MRS2: variants seen among roughly 807,000 people sequenced by gnomAD.
The protein encoded by MRS2 is magnesium transporter MRS2.
Under a neutral mutation model 52.6 loss-of-function variants are expected in MRS2, and 40 were observed. That is an observed-to-expected ratio of 0.76 (90% CI 0.59 to 0.99). The LOEUF is 0.99. Ranked by LOEUF, MRS2 falls within the 50% of genes least tolerant of loss-of-function variation. MRS2 has a pLI of 0.00. For missense variants in MRS2, 472 were observed against 532.7 expected (o/e 0.89, Z 1.12); for synonymous variants, 193 against 195.9 (o/e 0.98, Z 0.13).
At chr6:24,406,933 C>T (rs1761495008) in intron 2 of MRS2, among the ~76,000 whole-genome samples, 1 of 151,706 alleles carries the variant, frequency 6.6e-6, no homozygotes, top group Non-Finnish European at 1.5e-5. Context: ...GAGCTGGTTA[C>T]AAAGTAAATA....
At chr6:24,415,688 C>T (rs1761824616) in intron 6 of MRS2, among the ~76,000 whole-genome samples, 1 of 152,192 alleles carries the variant, frequency 6.6e-6, no homozygotes, top group Non-Finnish European at 1.5e-5. Context: ...AGTAACTAGT[C>T]TGTTCTATAT....
At chr6:24,406,673 G>A (rs1242971591) in intron 2 of MRS2, among the ~76,000 whole-genome samples, 1 of 152,192 alleles carries the variant, frequency 6.6e-6, no homozygotes, top group Non-Finnish European at 1.5e-5. Context: ...TACTCAGGAG[G>A]CTGAGGCAGG....
chr6:24,403,256 A>C lies in MRS2; in HGVS notation c.190+20A>C, dbSNP rs1348864508. On this transcript the variant is annotated intron_variant, in intron 1 of 10. Coordinates refer to ENST00000378386, the MANE Select transcript of MRS2 (RefSeq NM_020662.4). ...TGGCAGGTACTGCCCTTCCCCGGCA[A>C]CAGCCTTGGGACGCTGGTCTTGCAG... is the stretch of plus-strand genomic sequence containing the variant. The C allele has an allele frequency of 1.3e-6, 2 of 1,579,786 alleles. No homozygotes were observed. The highest frequency in any genetic ancestry group is 1.7e-6 in the Non-Finnish European group (2 of 1,171,562).
intron 9 of MRS2, among the ~76,000 whole-genome samples, chr6:24,422,488 CAAA>C (rs1260919342): frequency 6.6e-6 from 1 of 152,078 alleles, no homozygotes; most frequent in Non-Finnish European, 1.5e-5. Context: ...TATCGGAAGA[CAAA>C]AAATTTATTA....
At chr6:24,423,134 C>T (rs1762109227) in intron 10 of MRS2, 84 bp downstream of exon 10, 1 of 1,088,096 alleles carries the variant, frequency 9.2e-7, no homozygotes, top group Non-Finnish European at 1.4e-6. Flanking sequence ...ATTAAGTTGT[C>T]ACAGGCACTA....
intron 3 of MRS2, 25 bp from the exon 4 acceptor site, chr6:24,409,436 C>G (rs775312284): frequency 1.4e-6 from 2 of 1,408,190 alleles, no homozygotes; most frequent in Non-Finnish European, 2.0e-6. Flanking sequence ...TTTGGTTTAG[C>G]CCTCTCTGTT....
chr6:24,413,698 T>TAGAC (rs1321152331), intron 5 of MRS2, among the ~76,000 whole-genome samples: 5 of 151,774 alleles, frequency 3.3e-5, no homozygotes, highest in African/African-American at 4.8e-5. Context: ...ATAAACAACA[T>TAGAC]GTCTGCAGAG....
intron 1 of MRS2, among the ~76,000 whole-genome samples, chr6:24,403,660 C>T: frequency 6.6e-6 from 1 of 152,224 alleles, no homozygotes; most frequent in East Asian, 1.9e-4. Flanking sequence ...CTCGAGCCAT[C>T]CTAACGCATT....
chr6:24,419,233 C>CTCTG (rs1477864822), intron 9 of MRS2: 1 of 152,242 alleles, frequency 6.6e-6, no homozygotes, highest in African/African-American at 2.4e-5. Flanking sequence ...CAGAGTGAGA[C>CTCTG]TCTGTCTCAA....
At chr6:24,408,534 T>C in intron 3 of MRS2, 90 bp downstream of exon 3, 1 of 953,034 alleles carries the variant, frequency 1.0e-6, no homozygotes, top group Non-Finnish European at 1.7e-6. Flanking sequence ...GAGTAAAATA[T>C]TCTTTGCATA....
chr6:24,411,203 G>GA (rs962902099), intron 4 of MRS2, among the ~76,000 whole-genome samples: 21 of 143,880 alleles, frequency 1.5e-4, no homozygotes, highest in African/African-American at 2.8e-4. Flanking sequence ...AAAAAAAAAA[G>GA]AAAAAAAAAT....
intron 7 of MRS2, 129 bp from the exon 8 acceptor site, chr6:24,417,955 A>G (rs1761908143): frequency 7.1e-6 from 3 of 423,764 alleles, no homozygotes; most frequent in Non-Finnish European, 1.1e-5. Flanking sequence ...AAAAAAAAAG[A>G]CAAGACAAGA....
At position 24,415,144 on chromosome 6, in the gene MRS2, T is replaced by A. The variant is rs749500387; in HGVS notation, c.700T>A (p.Leu234Ile). The A allele has an allele frequency of 3.1e-6, 5 of 1,595,380 alleles. No individual in the cohort carries two copies. Among genetic ancestry groups the A allele is most frequent in the Middle Eastern group, 3.3e-4 (2 of 5,982 alleles). Residue 234 changes from leucine (L) to isoleucine (I), a missense_variant, in exon 6 of 11, where the codon TTA (leucine) becomes ATA (isoleucine). Physicochemically the swap from Leu to Ile is conservative, Grantham distance 5. Transcript: ENST00000378386. Reference protein sequence around the residue: ...SSVDRSKLHILLQNGKSLSEL... With the variant: ...SSVDRSKLHIILQNGKSLSEL... ...TGTAGACAGAAGCAAACTGCACATT[T>A]TACTACAGAATGGCAAAAGGTAAAT...
intron 3 of MRS2, 112 bp downstream of exon 3, chr6:24,408,556 T>C (rs1435976313): frequency 2.7e-6 from 2 of 746,882 alleles, no homozygotes; most frequent in Middle Eastern, 2.7e-4. Flanking sequence ...ACAGGTGTGT[T>C]GAAAGAGATC....
intron 3 of MRS2, among the ~76,000 whole-genome samples, chr6:24,409,131 G>A (rs1581697546): frequency 6.6e-6 from 1 of 152,226 alleles, no homozygotes; most frequent in East Asian, 1.9e-4. Context: ...ATATAGTTGT[G>A]TACAGTTTAT....
intron 4 of MRS2, chr6:24,410,690 A>G (rs760644936): frequency 1.4e-6 from 2 of 1,445,320 alleles, no homozygotes; most frequent in South Asian, 2.6e-5. Flanking sequence ...TACTTTATCA[A>G]AAATGAAGCA....
chr6:24,403,117 C>T lies in MRS2; in HGVS notation c.71C>T (p.Ala24Val). ...AMRLPRRTLC[A>V]LALDVTSVGP... ...AGACTTCCCCGGCGGACGCTGTGTG[C>T]CCTGGCCTTGGACGTGACCTCTGTG... The change falls in exon 1 of 11, where the codon GCC (alanine) becomes GTC (valine). Residue 24 changes from alanine to valine, a missense_variant. Transcript: ENST00000378386. The T allele has an allele frequency of 6.2e-7, 1 of 1,612,250 alleles. No homozygotes were observed. The highest frequency in any genetic ancestry group is 1.1e-5 in the South Asian group (1 of 91,068).
intron 3 of MRS2, 67 bp downstream of exon 3, chr6:24,408,511 ATTGTAGTATT>A (rs1388552019): frequency 8.8e-7 from 1 of 1,135,384 alleles, no homozygotes; most frequent in Non-Finnish European, 1.3e-6. Context: ...AAATCAAGAA[ATTGTAGTATT>A]TTGAGTAAAA....
chr6:24,417,377 A>C (rs1218413425), intron 7 of MRS2, among the ~76,000 whole-genome samples: 3 of 152,198 alleles, frequency 2.0e-5, no homozygotes, highest in Non-Finnish European at 2.9e-5. Context: ...CATTATGTAC[A>C]CACCTCAAAA....
Sources: gnomAD v4.1 joint callset for allele counts (sites outside exome capture counted in the v4.1 genomes callset) on GRCh38, gnomAD v4.1.1 for gene constraint, MANE v1.5 for transcripts, NCBI Gene and HGNC (gene_info 2026-07-23, HGNC 2026-07-21) for gene names.